The following NRL variants were observed in gnomAD, a reference collection of about 807,000 sequenced individuals.
NRL encodes neural retina-specific leucine zipper protein.
NRL carries 16 observed loss-of-function variants against 12.5 expected under a neutral mutation model. That is an observed-to-expected ratio of 1.28 (90% CI 0.87 to 1.95). The LOEUF (loss-of-function observed/expected upper bound fraction) is 1.95. Ranked by LOEUF, NRL falls within the 30% of genes most tolerant of loss-of-function variation. The pLI is 0.00. For synonymous variants in NRL, 142 were observed against 150.9 expected (o/e 0.94, Z 0.43); for missense variants, 314 against 325.8 (o/e 0.96, Z 0.28).
chr14:24,099,080 A>T (rs1382957612), intron 1 of NRL: 2 of 1,609,176 alleles, frequency 1.2e-6, no homozygotes, highest in Admixed American at 3.3e-5. Flanking sequence ...CGTGCAACCC[A>T]GAGAAAACCC....
At chr14:24,098,230 T>A (rs765125163) in intron 1 of NRL, 2 of 1,612,974 alleles carry the variant, frequency 1.2e-6, no homozygotes, top group Admixed American at 3.3e-5. Flanking sequence ...ACCCCAAGGA[T>A]GTGGCACGAG....
intron 1 of NRL, chr14:24,100,602 A>C: frequency 9.4e-7 from 1 of 1,064,856 alleles, no homozygotes; most frequent in Admixed American, 4.7e-5. Context: ...AAAAGGAAGG[A>C]CTTTTGAACA....
chr14:24,103,094 C>A, intron 1 of NRL: 1 of 1,347,480 alleles, frequency 7.4e-7, no homozygotes, highest in Non-Finnish European at 1.1e-6. Context: ...GTCAAGCTCA[C>A]CAGAAGGGCT....
Position 24,081,758 on chromosome 14 carries a change from C to A in NRL, c.382-190G>T. On this transcript the variant is annotated intron_variant, in intron 2 of 2. Transcript: ENST00000561028. The surrounding 1 kb of genome is among the most constrained non-coding windows in gnomAD (Gnocchi z 4.4). ...CCAGGCCCCGACGCTCCCCGGGCCC[C>A]CCAGCTGACCGTTGCTCCAGTCAGG... 6.6e-7 allele frequency: 1 copy of A among 1,519,962 alleles called. No homozygotes were observed. Among genetic ancestry groups the A allele is most frequent in the Non-Finnish European group, 8.8e-7 (1 of 1,139,344 alleles). 94.2% of individuals were successfully genotyped at this position (1,519,962 alleles called of 1,614,324 possible). A position where few individuals can be genotyped will look rare whatever the true frequency, so the allele number is the denominator to read the frequency against.
At chr14:24,110,237 A>C (rs2037399009) in intron 1 of NRL, 1 of 229,264 alleles carries the variant, frequency 4.4e-6, no homozygotes, top group South Asian at 3.3e-5. Context: ...CCACCTCAGC[A>C]TCCTGGGTAG....
chr14:24,099,826 A>G (rs1348587962), intron 1 of NRL: 1 of 1,506,568 alleles, frequency 6.6e-7, no homozygotes, highest in Admixed American at 1.7e-5. Flanking sequence ...TTTCCTGAAC[A>G]CCCAACCCTG....
chr14:24,103,030 G>A, intron 1 of NRL: 1 of 1,188,982 alleles, frequency 8.4e-7, no homozygotes, highest in Non-Finnish European at 1.2e-6. Context: ...AAACTTGGGA[G>A]GAGGCAAAGG....
Position 24,081,871 on chromosome 14 carries a change from C to G in NRL, c.382-303G>C. 2.2e-6 allele frequency: 3 copies of G among 1,356,820 alleles called. No individual in the cohort carries two copies. The highest frequency in any genetic ancestry group is 3.0e-5 in the South Asian group (2 of 66,434). The allele number at this position is 1,356,820 out of a possible 1,614,324, so 84.0% of individuals were successfully genotyped here. ...GGCTCGTCTCTGGGATCCCCGGCAT[C>G]CAGCTCCAGGCCCGGGTGTGTCCAG... On this transcript the variant is annotated intron_variant, in intron 2 of 2. Coordinates refer to ENST00000561028, the MANE Select transcript of NRL (RefSeq NM_001354768.3). This position sits in a 1 kb window ranked among gnomAD's most constrained non-coding sequence, Gnocchi z 4.4.
intron 1 of NRL, chr14:24,098,555 T>C: frequency 6.2e-7 from 1 of 1,614,192 alleles, no homozygotes; most frequent in Non-Finnish European, 8.5e-7. Context: ...GCTCACTGAC[T>C]CAGCCTATGT....
At position 24,080,696 on chromosome 14, in the gene NRL, C is replaced by T. The variant is rs959649011; in HGVS notation, c.*540G>A. On this transcript the variant is annotated 3_prime_UTR_variant, in exon 3 of 3. Coordinates refer to ENST00000561028, the MANE Select transcript of NRL (RefSeq NM_001354768.3). ...CTCTTCAGGCCTTTGCTGCTCTGAG[C>T]CCTGAAGGCCACAGGGTTGGGCAGG... 1.3e-5 allele frequency: 2 copies of T among 152,576 alleles called. No homozygotes were observed. Among genetic ancestry groups the T allele is most frequent in the African/African-American group, 4.8e-5 (2 of 41,426 alleles). 9.5% of individuals were successfully genotyped at this position (152,576 alleles called of 1,614,324 possible).
intron 1 of NRL, among the ~76,000 whole-genome samples, chr14:24,111,173 TCTCA>T (rs2037412854): frequency 6.6e-6 from 1 of 152,036 alleles, no homozygotes; most frequent in South Asian, 2.1e-4. Flanking sequence ...GTAGACTGGG[TCTCA>T]CTATGTTGCC....
chr14:24,110,349 G>C, intron 1 of NRL: 1 of 392,472 alleles, frequency 2.5e-6, no homozygotes. Flanking sequence ...GGTCAAGCGA[G>C]CTGCCCGCCT....
intron 1 of NRL, chr14:24,104,261 C>G (rs2037287738): frequency 5.1e-6 from 2 of 393,762 alleles, no homozygotes; most frequent in African/African-American, 4.1e-5. Context: ...ACAGGTAGCT[C>G]TAGCACTGGG....
chr14:24,098,651 T>C (rs1419567657), intron 1 of NRL: 1 of 1,613,946 alleles, frequency 6.2e-7, no homozygotes, highest in Admixed American at 1.7e-5. Context: ...GTGTCTGCAC[T>C]CCGTGGGCCA....
chr14:24,100,144 G>A, intron 1 of NRL: 1 of 1,613,776 alleles, frequency 6.2e-7, no homozygotes. Flanking sequence ...CGTGTACTGG[G>A]AGGGCATTGA....
chr14:24,082,946 C>A, intron 1 of NRL, 71 bp from the exon 2 acceptor site: 3 of 1,447,340 alleles, frequency 2.1e-6, no homozygotes, highest in Non-Finnish European at 1.9e-6. Flanking sequence ...AGTCCCTCTT[C>A]CCTCAAAGCC....
chr14:24,097,068 A>G, intron 1 of NRL: 1 of 1,613,474 alleles, frequency 6.2e-7, no homozygotes, highest in South Asian at 1.1e-5. Flanking sequence ...ACTGAGGCTG[A>G]GAATACTGCC....
In NRL at chr14:24,100,222, G is replaced by A. The variant is rs201034301; in HGVS notation, c.-28+14500C>T. On this transcript the variant is annotated intron_variant, in intron 1 of 2. Coordinates refer to ENST00000561028, the MANE Select transcript of NRL (RefSeq NM_001354768.3). ...CAAACCCTGGAAACCTGGTATGTGC[G>A]GTGGGGAAGGTGTGGCACAGCCTCC... 9.5e-5 allele frequency: 154 copies of A among 1,613,780 alleles called. 1 individual carries two copies. The highest frequency in any genetic ancestry group is 1.3e-4 in the Admixed American group (8 of 59,966).
At chr14:24,098,779 C>A in intron 1 of NRL, 1 of 1,000,960 alleles carries the variant, frequency 1.0e-6, no homozygotes, top group Non-Finnish European at 1.5e-6. Context: ...CCTGTCCTCT[C>A]TGGCAACCTA....
Sources: allele counts gnomAD v4.1 joint callset (sites outside exome capture counted in the v4.1 genomes callset), GRCh38; gene constraint gnomAD v4.1.1; non-coding constraint Gnocchi (gnomAD v3.1); transcripts MANE v1.5; gene names NCBI Gene and HGNC (gene_info 2026-07-23, HGNC 2026-07-21).